NRXN3: variants seen among roughly 807,000 people sequenced by gnomAD.
The protein encoded by NRXN3 is neurexin 3.
Under a neutral mutation model 137.6 loss-of-function variants are expected in NRXN3, and 32 were observed. The observed-to-expected ratio is 0.23, with a 90% CI of 0.18 to 0.31. NRXN3 has a LOEUF of 0.31. NRXN3 is among the 10% of genes least tolerant of loss of function. The pLI is 1.00. For missense variants in NRXN3, 1,574 were observed against 2,062.5 expected, an observed-to-expected ratio of 0.76 and a Z score of 4.59; for synonymous variants, 798 against 784.5, an observed-to-expected ratio of 1.02 and a Z score of -0.29.
intron 17 of NRXN3, among the ~76,000 whole-genome samples, chr14:79,670,583 TTCCTAAACACA>T (rs931636194): frequency 6.6e-6 from 1 of 152,098 alleles, no homozygotes; most frequent in African/African-American, 2.4e-5. Flanking sequence ...AGAGGTATGT[TTCCTAAACACA>T]CATGGCAAAC....
At chr14:79,572,664 A>G (rs915309834) in intron 16 of NRXN3, among the ~76,000 whole-genome samples, 3 of 152,214 alleles carry the variant, frequency 2.0e-5, no homozygotes, top group African/African-American at 7.2e-5. Flanking sequence ...ACTAGGCTCC[A>G]TGCTAGAAAT....
intron 4 of NRXN3, among the ~76,000 whole-genome samples, chr14:78,615,583 C>G (rs1401116635): frequency 6.6e-6 from 1 of 151,980 alleles, no homozygotes; most frequent in East Asian, 1.9e-4. Context: ...TGCACTTCAG[C>G]CTGGGCGACA....
chr14:79,696,431 C>T (rs1015364065), intron 18 of NRXN3, among the ~76,000 whole-genome samples: 41 of 151,732 alleles, frequency 2.7e-4, no homozygotes, highest in African/African-American at 8.2e-4. Flanking sequence ...CTTCAGAAGG[C>T]GTATATTTAA....
chr14:78,193,879 A>C (rs566658886), intron 1 of NRXN3, among the ~76,000 whole-genome samples: 3 of 152,018 alleles, frequency 2.0e-5, no homozygotes, highest in African/African-American at 4.8e-5. Flanking sequence ...GGACCCATCA[A>C]TGCATGGTGG....
chr14:78,260,297 A>C (rs1447738780), intron 2 of NRXN3, among the ~76,000 whole-genome samples: 2 of 152,186 alleles, frequency 1.3e-5, no homozygotes, highest in Non-Finnish European at 2.9e-5. Flanking sequence ...GAGTGTGATT[A>C]AGGTACTCCA....
chr14:79,220,745 T>A (rs1295188482), intron 15 of NRXN3, among the ~76,000 whole-genome samples: 2 of 152,068 alleles, frequency 1.3e-5, no homozygotes, highest in Admixed American at 6.6e-5. Flanking sequence ...TATCTTTTTT[T>A]AATATATACA....
intron 15 of NRXN3, among the ~76,000 whole-genome samples, chr14:78,993,163 T>C (rs2099522342): frequency 6.6e-6 from 1 of 152,340 alleles, no homozygotes; most frequent in Non-Finnish European, 1.5e-5. Flanking sequence ...GCTGCAGTGT[T>C]GGCTATTGAT....
intron 4 of NRXN3, among the ~76,000 whole-genome samples, chr14:78,368,519 C>A (rs1437961301): frequency 6.6e-6 from 1 of 152,144 alleles, no homozygotes; most frequent in African/African-American, 2.4e-5. Context: ...TGGTGAAACC[C>A]CGTCTCTACT....
At chr14:78,768,262 T>G (rs1471905052) in intron 8 of NRXN3, among the ~76,000 whole-genome samples, 1 of 152,172 alleles carries the variant, frequency 6.6e-6, no homozygotes, top group East Asian at 1.9e-4. Flanking sequence ...CAGGCCTTCA[T>G]GATTCTATGA....
chr14:79,776,563 A>G (rs2099097757), intron 19 of NRXN3, among the ~76,000 whole-genome samples: 3 of 152,114 alleles, frequency 2.0e-5, no homozygotes. Flanking sequence ...GGAGGTTGTC[A>G]GTGTGTGCTG....
rs1189824908 is a variant in NRXN3 at position 79,862,635 on chromosome 14, G to A, written c.*671G>A. 1 of 152,524 alleles carries A rather than the reference G, an allele frequency of 6.6e-6. No homozygotes were observed. Among genetic ancestry groups the A allele is most frequent in the Non-Finnish European group, 1.5e-5 (1 of 68,030 alleles). The allele number at this position is 152,524 out of a possible 1,614,324, so 9.4% of individuals were successfully genotyped here. A position where few individuals can be genotyped will look rare whatever the true frequency, so the allele number is the denominator to read the frequency against. ...GAGGAAAAAAACTCAAAACAAAAGC[G>A]AGAGAGACTATTGCCATATGAACTC... On this transcript the variant is annotated 3_prime_UTR_variant, in exon 21 of 21. Coordinates refer to ENST00000335750, the MANE Select transcript of NRXN3 (RefSeq NM_001330195.2).
chr14:79,847,327 T>C (rs1343884842), intron 20 of NRXN3, among the ~76,000 whole-genome samples: 1 of 152,234 alleles, frequency 6.6e-6, no homozygotes, highest in Non-Finnish European at 1.5e-5. Context: ...TTTCTGCATG[T>C]AATTTTACAG....
At chr14:79,300,446 A>G (rs769532571) in intron 15 of NRXN3, among the ~76,000 whole-genome samples, 1 of 152,078 alleles carries the variant, frequency 6.6e-6, no homozygotes, top group Non-Finnish European at 1.5e-5. Flanking sequence ...GAGGTCCCTC[A>G]TATAGCTCCA....
chr14:79,360,103 T>C (rs565367129), intron 15 of NRXN3, among the ~76,000 whole-genome samples: 2 of 152,356 alleles, frequency 1.3e-5, no homozygotes, highest in East Asian at 1.9e-4. Flanking sequence ...GTTATTTAAC[T>C]TGAGGCCACA....
At chr14:79,081,346 T>C (rs2046952877) in intron 15 of NRXN3, among the ~76,000 whole-genome samples, 1 of 152,176 alleles carries the variant, frequency 6.6e-6, no homozygotes. Context: ...CCAGGTGCGG[T>C]GGCTCACGCC....
At chr14:79,017,993 C>T (rs2099582160) in intron 15 of NRXN3, among the ~76,000 whole-genome samples, 1 of 151,878 alleles carries the variant, frequency 6.6e-6, no homozygotes, top group Admixed American at 6.6e-5. Context: ...GGCATGGTGG[C>T]TCATGACTGT....
intron 15 of NRXN3, among the ~76,000 whole-genome samples, chr14:79,451,254 G>T (rs1366887446): frequency 1.3e-5 from 2 of 151,844 alleles, no homozygotes; most frequent in South Asian, 2.1e-4. Flanking sequence ...TCTAAGCTCT[G>T]CTGGGAAATG....
At chr14:78,866,579 C>A (rs2099087262) in intron 10 of NRXN3, among the ~76,000 whole-genome samples, 1 of 151,984 alleles carries the variant, frequency 6.6e-6, no homozygotes, top group Admixed American at 6.6e-5. Context: ...GATTAGACTG[C>A]AAAGTAGTAC....
At chr14:79,670,317 CAG>C (rs911204123) in intron 17 of NRXN3, among the ~76,000 whole-genome samples, 1 of 151,996 alleles carries the variant, frequency 6.6e-6, no homozygotes, top group Non-Finnish European at 1.5e-5. Context: ...CCTATCCAAG[CAG>C]CTGTTGGAGA....
Sources: gnomAD v4.1 joint callset for allele counts (sites outside exome capture counted in the v4.1 genomes callset) on GRCh38, gnomAD v4.1.1 for gene constraint, MANE v1.5 for transcripts, NCBI Gene and HGNC (gene_info 2026-07-23, HGNC 2026-07-21) for gene names.